The following LRMDA variants were observed in gnomAD, a reference collection of about 807,000 sequenced individuals.
LRMDA encodes leucine-rich melanocyte differentiation-associated protein.
Under a neutral mutation model 29.8 loss-of-function variants are expected in LRMDA, and 18 were observed. That is an observed-to-expected ratio of 0.60 (90% CI 0.42 to 0.90). LRMDA has a LOEUF of 0.90. LRMDA is among the 40% of genes least tolerant of loss of function. The probability of loss-of-function intolerance (pLI) is 0.00; values close to 1 mark genes in which losing one functional copy is unlikely to be tolerated. For missense variants in LRMDA, 273 were observed against 273.9 expected (o/e 1.00, Z 0.02); for synonymous variants, 125 against 109.4 (o/e 1.14, Z -0.89).
chr10:76,238,696 C>T (rs540439393), intron 5 of LRMDA, among the ~76,000 whole-genome samples: 2 of 151,494 alleles, frequency 1.3e-5, no homozygotes, highest in South Asian at 4.2e-4. Flanking sequence ...ATGACAAACA[C>T]GGACAACATC....
At position 76,265,887 on chromosome 10, in the gene LRMDA, G is replaced by A. The variant is rs1840001265; in HGVS notation, c.517-58514G>A. On this transcript the variant is annotated intron_variant, in intron 5 of 6. Transcript: ENST00000611255. Reference sequence around the variant, plus strand: ...GGAAACCACCAGACTGTTCACATTTGCATTCTAGGGACCTCCCTTCCTGGT... The same window carrying A: ...GGAAACCACCAGACTGTTCACATTTACATTCTAGGGACCTCCCTTCCTGGT... Among the ~76,000 whole-genome samples the A allele has an allele frequency of 2.6e-5, 4 of 152,290 alleles. No individual in the cohort carries two copies. In the South Asian group the frequency reaches 8.3e-4, roughly 32 times the overall value.
intron 5 of LRMDA, among the ~76,000 whole-genome samples, chr10:76,185,861 G>A (rs568990408): frequency 6.6e-6 from 1 of 152,198 alleles, no homozygotes; most frequent in Non-Finnish European, 1.5e-5. Context: ...CAGAAACTCG[G>A]GATCTCTATG....
intron 5 of LRMDA, among the ~76,000 whole-genome samples, chr10:76,231,721 GAA>G (rs1023219394): frequency 7.9e-5 from 12 of 152,066 alleles, no homozygotes; most frequent in Non-Finnish European, 1.8e-4. Flanking sequence ...CTCTAATGAT[GAA>G]AAAAAGTCTC....
At chr10:76,160,446 T>G (rs1850624962) in intron 5 of LRMDA, among the ~76,000 whole-genome samples, 1 of 152,110 alleles carries the variant, frequency 6.6e-6, no homozygotes, top group African/African-American at 2.4e-5. Context: ...TTTAAAATTT[T>G]TTTTCTTAGA....
At chr10:76,300,298 G>A (rs1840464641) in intron 5 of LRMDA, among the ~76,000 whole-genome samples, 1 of 152,204 alleles carries the variant, frequency 6.6e-6, no homozygotes, top group Admixed American at 6.5e-5. Context: ...GAAAAGTTGT[G>A]CAGCTACATT....
chr10:75,645,607 A>G (rs562993181), intron 2 of LRMDA, among the ~76,000 whole-genome samples: 10 of 152,232 alleles, frequency 6.6e-5, no homozygotes, highest in Admixed American at 2.0e-4. Flanking sequence ...GGGTGATAGT[A>G]GCAATGCTGT....
At chr10:75,846,177 T>TTGTGTGTGTG (rs59549881) in intron 2 of LRMDA, among the ~76,000 whole-genome samples, 2,034 of 143,058 alleles carry the variant, frequency 0.014, 30 homozygotes, top group Non-Finnish European at 0.019. Flanking sequence ...GTGTGTGTGT[T>TTGTGTGTGTG]TGTGTGTGTG....
intron 1 of LRMDA, among the ~76,000 whole-genome samples, chr10:75,435,435 C>T (rs1205752250): frequency 6.6e-6 from 1 of 152,170 alleles, no homozygotes; most frequent in East Asian, 1.9e-4. Context: ...CTGCTTGCTG[C>T]TTTTAAGCCT....
chr10:75,532,634 T>C (rs1470843055), intron 2 of LRMDA, among the ~76,000 whole-genome samples: 2 of 152,200 alleles, frequency 1.3e-5, no homozygotes, highest in African/African-American at 4.8e-5. Context: ...TTTCAGACTT[T>C]TTTTTGTTGA....
At chr10:76,043,551 T>TA (rs1848375857) in intron 3 of LRMDA, among the ~76,000 whole-genome samples, 3 of 124,380 alleles carry the variant, frequency 2.4e-5, no homozygotes, top group African/African-American at 8.1e-5. Context: ...CTTTTTCAAA[T>TA]TAAAAAAAAA....
intron 5 of LRMDA, among the ~76,000 whole-genome samples, chr10:76,199,972 A>T (rs76168736): frequency 2.0e-5 from 3 of 152,054 alleles, no homozygotes; most frequent in African/African-American, 7.2e-5. Context: ...TTCAAAAAAA[A>T]TTTTTTTGAG....
intron 2 of LRMDA, among the ~76,000 whole-genome samples, chr10:75,980,797 A>G (rs1201296180): frequency 1.3e-5 from 2 of 152,186 alleles, no homozygotes; most frequent in African/African-American, 4.8e-5. Context: ...TATTTTTCCA[A>G]CATTTCTCAT....
intron 5 of LRMDA, among the ~76,000 whole-genome samples, chr10:76,238,493 C>G (rs1852204273): frequency 7.2e-6 from 1 of 138,704 alleles, no homozygotes; most frequent in South Asian, 2.7e-4. Context: ...CCCATCTTCT[C>G]TACCCAGGGG....
intron 5 of LRMDA, among the ~76,000 whole-genome samples, chr10:76,088,443 T>C (rs1849173996): frequency 6.6e-6 from 1 of 152,078 alleles, no homozygotes; most frequent in Non-Finnish European, 1.5e-5. Context: ...TTGGAGAAAA[T>C]ATATATTGAG....
chr10:76,352,257 T>C (rs1307116146), intron 6 of LRMDA, among the ~76,000 whole-genome samples: 1 of 152,168 alleles, frequency 6.6e-6, no homozygotes, highest in Non-Finnish European at 1.5e-5. Context: ...TGTGTACATT[T>C]ATAACTGTGG....
chr10:75,909,508 T>C (rs1450350691), intron 2 of LRMDA, among the ~76,000 whole-genome samples: 2 of 152,094 alleles, frequency 1.3e-5, no homozygotes, highest in Non-Finnish European at 2.9e-5. Flanking sequence ...GTTCTTGCAC[T>C]GATGTATTTT....
intron 5 of LRMDA, among the ~76,000 whole-genome samples, chr10:76,133,267 C>CGT (rs3042574): frequency 0.36 from 54,379 of 150,678 alleles, 11,165 homozygotes; most frequent in East Asian, 0.65. Context: ...ATATTTATTT[C>CGT]GTGTGTGTGT....
At chr10:75,908,246 A>C (rs937759102) in intron 2 of LRMDA, among the ~76,000 whole-genome samples, 10 of 152,200 alleles carry the variant, frequency 6.6e-5, no homozygotes, top group Non-Finnish European at 1.3e-4. Flanking sequence ...ACTGATGCAG[A>C]TACTGACTGG....
At chr10:75,968,727 C>G (rs1589270993) in intron 2 of LRMDA, among the ~76,000 whole-genome samples, 1 of 152,170 alleles carries the variant, frequency 6.6e-6, no homozygotes. Flanking sequence ...TGTTTTTCCT[C>G]TCATTCCTGT....
Sources: gnomAD v4.1 joint callset for allele counts (sites outside exome capture counted in the v4.1 genomes callset) on GRCh38, gnomAD v4.1.1 for gene constraint, MANE v1.5 for transcripts, NCBI Gene and HGNC (gene_info 2026-07-23, HGNC 2026-07-21) for gene names.